PCNX1: variants seen among roughly 807,000 people sequenced by gnomAD.
The protein encoded by PCNX1 is pecanex 1.
Under a neutral mutation model 242.2 loss-of-function variants are expected in PCNX1, and 78 were observed. The observed-to-expected ratio is 0.32, with a 90% CI of 0.27 to 0.39. The LOEUF (loss-of-function observed/expected upper bound fraction) is 0.39. Ranked by LOEUF, PCNX1 falls within the 10% of genes least tolerant of loss-of-function variation. The pLI, the probability that PCNX1 is intolerant of heterozygous loss-of-function variation, is 1.00. For missense variants in PCNX1, 2,581 were observed against 2,856.5 expected, an observed-to-expected ratio of 0.90 and a Z score of 2.20; for synonymous variants, 1,024 against 1,032.9, an observed-to-expected ratio of 0.99 and a Z score of 0.17.
chr14:71,047,698 A>G (rs2060902554), intron 21 of PCNX1, 109 bp from the exon 22 acceptor site: 1 of 833,338 alleles, frequency 1.2e-6, no homozygotes, highest in Admixed American at 2.6e-5. Context: ...GCTTACATTT[A>G]ATGTATATAT....
chr14:70,976,331 AT>A (rs1486127399), intron 5 of PCNX1, among the ~76,000 whole-genome samples: 4 of 147,892 alleles, frequency 2.7e-5, no homozygotes, highest in Non-Finnish European at 6.0e-5. Flanking sequence ...ATCCAGGCCT[AT>A]TTTAAGTATA....
At chr14:70,966,527 G>C (rs1296116107) in intron 3 of PCNX1, among the ~76,000 whole-genome samples, 1 of 152,150 alleles carries the variant, frequency 6.6e-6, no homozygotes, top group African/African-American at 2.4e-5. Flanking sequence ...ACGTTTTCCT[G>C]AAGCCCTCCA....
At chr14:70,989,244 A>G (rs1176911502) in intron 7 of PCNX1, among the ~76,000 whole-genome samples, 2 of 151,820 alleles carry the variant, frequency 1.3e-5, no homozygotes, top group African/African-American at 4.8e-5. Context: ...TAACATACAT[A>G]ATTTATGTAA....
In PCNX1 at chr14:70,977,551, C is replaced by T; in HGVS notation, c.1214C>T (p.Thr405Ile). 6.2e-7 allele frequency: 1 copy of T among 1,614,134 alleles called. No homozygotes were observed. Among genetic ancestry groups the T allele is most frequent in the East Asian group, 2.2e-5 (1 of 44,884 alleles). The stretch of plus-strand genomic sequence containing the variant: ...GTCAGCAGCTATAAAAGTGAGCAGA[C>T]CAGCTCAACTCACATAGAGAGCATC... ...STVSSYKSEQ[T>I]SSTHIESILS... Residue 405 changes from threonine (T) to isoleucine (I), a missense_variant, in exon 6 of 36, where the codon ACC becomes ATC. By Grantham distance (89) the Thr-to-Ile change is moderately conservative. This residue lies in a region of PCNX1 where 1,204 missense variants were observed against 1,216.7 expected (regional missense o/e 0.99). Coordinates refer to ENST00000304743, the MANE Select transcript of PCNX1 (RefSeq NM_014982.3).
At chr14:71,075,331 C>T (rs1436418864) in intron 27 of PCNX1, among the ~76,000 whole-genome samples, 1 of 152,028 alleles carries the variant, frequency 6.6e-6, no homozygotes, top group African/African-American at 2.4e-5. Flanking sequence ...TCCTCACGAC[C>T]TTATTTGCTG....
At chr14:71,006,510 A>G (rs2140475175) in intron 8 of PCNX1, among the ~76,000 whole-genome samples, 1 of 152,274 alleles carries the variant, frequency 6.6e-6, no homozygotes, top group East Asian at 1.9e-4. Flanking sequence ...TGAGAAGGAC[A>G]TATTTCTTTG....
chr14:70,951,802 A>G (rs1295029495), intron 2 of PCNX1, among the ~76,000 whole-genome samples: 16 of 152,150 alleles, frequency 1.1e-4, no homozygotes, highest in Admixed American at 1.0e-3. Context: ...TAGAAACTCA[A>G]CTTTTAAAAT....
At chr14:70,912,821 CCTTT>C (rs2055983985) in intron 1 of PCNX1, among the ~76,000 whole-genome samples, 1 of 152,154 alleles carries the variant, frequency 6.6e-6, no homozygotes, top group East Asian at 1.9e-4. Flanking sequence ...GTCACACTGG[CCTTT>C]CTGTTACTTT....
At chr14:71,069,049 A>G (rs2061526856) in intron 26 of PCNX1, among the ~76,000 whole-genome samples, 1 of 152,198 alleles carries the variant, frequency 6.6e-6, no homozygotes, top group Admixed American at 6.5e-5. Flanking sequence ...CCTCCCAGTC[A>G]TGGCAGAAGG....
chr14:70,976,351 T>C (rs1241252780), intron 5 of PCNX1, among the ~76,000 whole-genome samples: 1 of 148,348 alleles, frequency 6.7e-6, no homozygotes, highest in South Asian at 2.1e-4. Flanking sequence ...TAGTCCTTTG[T>C]TGCTCTTTCT....
intron 2 of PCNX1, among the ~76,000 whole-genome samples, chr14:70,949,114 A>G (rs2057619619): frequency 7.2e-6 from 1 of 137,982 alleles, no homozygotes; most frequent in African/African-American, 2.5e-5. Flanking sequence ...GTATATACGT[A>G]TATGTGTATA....
chr14:71,069,120 A>G (rs925717928), intron 26 of PCNX1, among the ~76,000 whole-genome samples: 1 of 152,138 alleles, frequency 6.6e-6, no homozygotes, highest in African/African-American at 2.4e-5. Flanking sequence ...AAAAGGGGAA[A>G]CACCTTATAA....
chr14:70,960,328 A>T (rs12590201), intron 2 of PCNX1, among the ~76,000 whole-genome samples: 88,901 of 143,256 alleles, frequency 0.62, 27,758 homozygotes, highest in South Asian at 0.7. Flanking sequence ...TGAATGGTAA[A>T]GCCTAGGTTT....
intron 7 of PCNX1, among the ~76,000 whole-genome samples, chr14:70,994,668 A>G (rs894557913): frequency 1.4e-4 from 21 of 151,590 alleles, no homozygotes; most frequent in Non-Finnish European, 2.5e-4. Flanking sequence ...GTAAACTTCA[A>G]TCGACAGATT....
chr14:71,012,369 A>C, intron 10 of PCNX1: 1 of 156,748 alleles, frequency 6.4e-6, no homozygotes, highest in Non-Finnish European at 1.4e-5. Context: ...TTCGCTAGCT[A>C]TACAGTTATA....
At chr14:70,908,063 G>T in intron 1 of PCNX1, 60 bp downstream of exon 1, 1 of 1,479,208 alleles carries the variant, frequency 6.8e-7, no homozygotes, top group Non-Finnish European at 9.0e-7. Flanking sequence ...GGAGATGCTG[G>T]GGTCGCGCCC....
chr14:70,986,164 C>T lies in PCNX1; in HGVS notation c.2312-2403C>T, dbSNP rs551648145. ...TTCCCAGGGGCATGGCTTAATCTTA[C>T]ATACTGTGACCATAAATTGTAATAT... On this transcript the variant is annotated intron_variant, in intron 6 of 35. Transcript: ENST00000304743. 2.6e-5 allele frequency among the ~76,000 whole-genome samples: 4 copies of T among 152,312 alleles called. No individual in the cohort carries two copies. In the South Asian group the frequency reaches 6.2e-4, roughly 24 times the overall value.
At chr14:70,929,100 A>G (rs1216658109) in intron 1 of PCNX1, among the ~76,000 whole-genome samples, 2 of 152,146 alleles carry the variant, frequency 1.3e-5, no homozygotes, top group African/African-American at 2.4e-5. Flanking sequence ...AAAGTGTGCT[A>G]TCTTTAACAA....
intron 19 of PCNX1, among the ~76,000 whole-genome samples, chr14:71,036,975 T>G (rs2060555937): frequency 6.6e-6 from 1 of 152,026 alleles, no homozygotes; most frequent in Non-Finnish European, 1.5e-5. Context: ...GAGCAGCGGT[T>G]TGTAGTTCTC....
Sources: gnomAD v4.1 joint callset for allele counts (sites outside exome capture counted in the v4.1 genomes callset) on GRCh38, gnomAD v4.1.1 for gene constraint, gnomAD v4.1.1 regional missense constraint, MANE v1.5 for transcripts, NCBI Gene and HGNC (gene_info 2026-07-23, HGNC 2026-07-21) for gene names.